GPC5: variants seen among roughly 807,000 people sequenced by gnomAD.
The protein encoded by GPC5 is glypican-5.
GPC5 carries 47 observed loss-of-function variants against 53.9 expected under a neutral mutation model. The observed-to-expected ratio is 0.87, with a 90% CI of 0.69 to 1.11. The LOEUF is 1.11. Among genes scored for constraint, GPC5 ranks in the 50% most tolerant of loss-of-function variants. The probability of loss-of-function intolerance (pLI) is 0.00; values close to 1 mark genes in which losing one functional copy is unlikely to be tolerated. For missense variants in GPC5, 748 were observed against 713.1 expected, an observed-to-expected ratio of 1.05 and a Z score of -0.56; for synonymous variants, 286 against 263.3, an observed-to-expected ratio of 1.09 and a Z score of -0.84.
At chr13:91,967,725 T>C (rs2040194223) in intron 6 of GPC5, among the ~76,000 whole-genome samples, 2 of 152,062 alleles carry the variant, frequency 1.3e-5, no homozygotes, top group Admixed American at 6.5e-5. Context: ...TTTGTAAACA[T>C]TTTCATATAC....
intron 4 of GPC5, among the ~76,000 whole-genome samples, chr13:91,753,598 G>T (rs1250511749): frequency 6.6e-6 from 1 of 152,118 alleles, no homozygotes; most frequent in Non-Finnish European, 1.5e-5. Context: ...ACACCTGCTT[G>T]CTGGAAAACT....
rs780580306 is a variant in GPC5 at position 92,185,551 on chromosome 13, AT to A, written c.1561+40572del. Among the ~76,000 whole-genome samples, 160 of 150,828 alleles carry A rather than the reference AT, an allele frequency of 1.1e-3. 2 individuals are homozygous for A. The highest frequency in any genetic ancestry group is 7.2e-3 in the East Asian group (37 of 5,136). On this transcript the variant is annotated intron_variant, in intron 7 of 7. Transcript: ENST00000377067. The stretch of plus-strand genomic sequence containing the variant: ...TTTTCACCACAATAAGAAGAAATGA[AT>A]TTTTTTTTTCAACTTCACAGAGCTG...
intron 7 of GPC5, among the ~76,000 whole-genome samples, chr13:92,270,484 T>A (rs12877870): frequency 6.6e-6 from 1 of 152,014 alleles, no homozygotes; most frequent in Non-Finnish European, 1.5e-5. Flanking sequence ...TGTAAGTTTG[T>A]GGAGGTCTCC....
chr13:91,738,998 G>A (rs1217972577), intron 4 of GPC5, among the ~76,000 whole-genome samples: 1 of 151,228 alleles, frequency 6.6e-6, no homozygotes, highest in Non-Finnish European at 1.5e-5. Context: ...TATAGCTTTT[G>A]TTGATTATTA....
intron 7 of GPC5, among the ~76,000 whole-genome samples, chr13:92,829,904 C>A (rs527329390): frequency 6.6e-6 from 1 of 152,162 alleles, no homozygotes; most frequent in South Asian, 2.1e-4. Context: ...ATCTTCCTGT[C>A]AAATTAATTT....
chr13:92,697,760 C>T (rs182408199), intron 7 of GPC5, among the ~76,000 whole-genome samples: 12 of 152,280 alleles, frequency 7.9e-5, no homozygotes, highest in African/African-American at 1.2e-4. Context: ...GAGAGGGCAT[C>T]CTTGTCTTGT....
chr13:91,402,879 G>A (rs1877051246), intron 1 of GPC5, among the ~76,000 whole-genome samples: 1 of 152,156 alleles, frequency 6.6e-6, no homozygotes, highest in Non-Finnish European at 1.5e-5. Context: ...TTACATTATG[G>A]TGAATATTTT....
chr13:92,471,042 C>T (rs1361951354), intron 7 of GPC5, among the ~76,000 whole-genome samples: 1 of 152,090 alleles, frequency 6.6e-6, no homozygotes, highest in Non-Finnish European at 1.5e-5. Context: ...ACGGGAAACA[C>T]AGTGAGCCCC....
intron 7 of GPC5, among the ~76,000 whole-genome samples, chr13:92,672,373 T>C (rs1406247282): frequency 6.6e-6 from 1 of 151,934 alleles, no homozygotes; most frequent in Non-Finnish European, 1.5e-5. Flanking sequence ...TATTAAAAAG[T>C]CAAAAAATAA....
intron 7 of GPC5, among the ~76,000 whole-genome samples, chr13:92,828,710 G>T (rs1400640653): frequency 6.6e-6 from 1 of 152,072 alleles, no homozygotes; most frequent in Non-Finnish European, 1.5e-5. Context: ...GGATCACAGG[G>T]TTCTGCTGGT....
At chr13:92,762,544 T>C (rs1443440025) in intron 7 of GPC5, among the ~76,000 whole-genome samples, 2 of 152,174 alleles carry the variant, frequency 1.3e-5, no homozygotes, top group Non-Finnish European at 2.9e-5. Flanking sequence ...AATTATAATG[T>C]ATGTCAGGAC....
intron 7 of GPC5, among the ~76,000 whole-genome samples, chr13:92,737,636 G>GTT (rs1161209694): frequency 6.5e-4 from 98 of 150,990 alleles, no homozygotes; most frequent in African/African-American, 2.3e-3. Context: ...TTTTACTTAT[G>GTT]TTTTTGCATC....
chr13:92,382,580 C>T (rs2043758108), intron 7 of GPC5, among the ~76,000 whole-genome samples: 1 of 151,738 alleles, frequency 6.6e-6, no homozygotes, highest in African/African-American at 2.4e-5. Context: ...GTTGTTCACA[C>T]CAGACTCCCT....
intron 7 of GPC5, among the ~76,000 whole-genome samples, chr13:92,171,806 A>C (rs2042072497): frequency 6.6e-6 from 1 of 152,188 alleles, no homozygotes; most frequent in Non-Finnish European, 1.5e-5. Flanking sequence ...TGAAACTCAC[A>C]CACATATATT....
chr13:91,700,560 T>C (rs2035971334), intron 3 of GPC5, among the ~76,000 whole-genome samples: 1 of 152,214 alleles, frequency 6.6e-6, no homozygotes, highest in East Asian at 1.9e-4. Flanking sequence ...TTTATCCTTA[T>C]GGTGAAGGAT....
At chr13:92,421,331 G>A (rs759524874) in intron 7 of GPC5, among the ~76,000 whole-genome samples, 29 of 152,224 alleles carry the variant, frequency 1.9e-4, no homozygotes, top group Non-Finnish European at 3.2e-4. Flanking sequence ...AAATCAGACG[G>A]GAGAAAGGGA....
intron 7 of GPC5, among the ~76,000 whole-genome samples, chr13:92,166,958 A>ATCTCTCTCTCTCTCT (rs1566465872): frequency 6.7e-4 from 44 of 65,624 alleles, no homozygotes; most frequent in African/African-American, 2.0e-3. Flanking sequence ...TCTCTCTCTC[A>ATCTCTCTCTCTCTCT]CACACACACA....
intron 7 of GPC5, among the ~76,000 whole-genome samples, chr13:92,399,870 C>T (rs2139335044): frequency 6.6e-6 from 1 of 152,308 alleles, no homozygotes; most frequent in East Asian, 1.9e-4. Flanking sequence ...AGTCATCACA[C>T]TGGATACTTA....
intron 2 of GPC5, among the ~76,000 whole-genome samples, chr13:91,594,944 A>G (rs1346724502): frequency 6.6e-6 from 1 of 151,988 alleles, no homozygotes; most frequent in Non-Finnish European, 1.5e-5. Context: ...TTCTGGAATT[A>G]CAGGCATGAG....
Sources: allele counts gnomAD v4.1 joint callset (sites outside exome capture counted in the v4.1 genomes callset), GRCh38; gene constraint gnomAD v4.1.1; transcripts MANE v1.5; gene names NCBI Gene and HGNC (gene_info 2026-07-23, HGNC 2026-07-21).